The following RAB20 variants were observed in gnomAD, a reference collection of about 807,000 sequenced individuals.
RAB20 encodes RAB20, member RAS oncogene family.
Under a neutral mutation model 3.7 loss-of-function variants are expected in RAB20, and 2 were observed. The observed-to-expected ratio is 0.54, with a 90% CI of 0.22 to 1.69. RAB20 has a LOEUF of 1.69. Ranked by LOEUF, RAB20 falls within the 40% of genes most tolerant of loss-of-function variation. The pLI is 0.19. For synonymous variants in RAB20, 126 were observed against 130.8 expected (o/e 0.96, Z 0.25); for missense variants, 276 against 311.9 (o/e 0.88, Z 0.87).
chr13:110,561,407 C>G lies in RAB20; in HGVS notation c.113G>C (p.Gly38Ala). Reference sequence around the variant, plus strand: ...CCACTGCTTCAGGTAGAAGGCGCCGCCCACCGTGCTGACCGTGTCCGGGAA... The same window carrying G: ...CCACTGCTTCAGGTAGAAGGCGCCGGCCACCGTGCTGACCGTGTCCGGGAA... The part of the protein sequence containing the change: ...RRFPDTVSTV[G>A]GAFYLKQWRS... Residue 38 changes from glycine to alanine, a missense_variant, in exon 1 of 2, where the codon GGC becomes GCC. Coordinates refer to ENST00000267328, the MANE Select transcript of RAB20 (RefSeq NM_017817.3). The G allele has an allele frequency of 6.2e-7, 1 of 1,610,058 alleles. No homozygotes were observed. The highest frequency in any genetic ancestry group is 1.1e-5 in the South Asian group (1 of 91,008).
chr13:110,560,862 C>A (rs378859), intron 1 of RAB20, among the ~76,000 whole-genome samples: 20,853 of 151,770 alleles, frequency 0.14, 4,548 homozygotes, highest in African/African-American at 0.46. Flanking sequence ...GGTCCGGAGG[C>A]TCCAGTTTTA....
chr13:110,533,208 T>C (rs1269360096), intron 1 of RAB20, among the ~76,000 whole-genome samples: 31 of 152,352 alleles, frequency 2.0e-4, no homozygotes, highest in Non-Finnish European at 1.2e-4. Context: ...CACCACGACA[T>C]GCTTTCTCCA....
chr13:110,530,531 A>G (rs533729229), intron 1 of RAB20, among the ~76,000 whole-genome samples: 1 of 3,844 alleles, frequency 2.6e-4, no homozygotes, highest in Admixed American at 3.0e-3. Flanking sequence ...CAGACACAGG[A>G]CCCTGGGGAA....
chr13:110,557,134 G>C (rs1187933231), intron 1 of RAB20, among the ~76,000 whole-genome samples: 1 of 152,198 alleles, frequency 6.6e-6, no homozygotes, highest in African/African-American at 2.4e-5. Context: ...CCAATTACAG[G>C]TGGAAGCCTG....
chr13:110,548,492 A>T, intron 1 of RAB20, among the ~76,000 whole-genome samples: 1 of 108,342 alleles, frequency 9.2e-6, no homozygotes, highest in Non-Finnish European at 2.2e-5. Flanking sequence ...AAAAACAAAA[A>T]TAAAAACAAA....
intron 1 of RAB20, among the ~76,000 whole-genome samples, chr13:110,527,330 A>G (rs1234492876): frequency 6.6e-6 from 1 of 151,434 alleles, no homozygotes. Context: ...CTGTCTACTG[A>G]CCACTGTGGT....
intron 1 of RAB20, among the ~76,000 whole-genome samples, chr13:110,549,866 G>A (rs1401902839): frequency 2.6e-5 from 4 of 152,176 alleles, no homozygotes; most frequent in Non-Finnish European, 5.9e-5. Flanking sequence ...TGGGACTACA[G>A]GCACGCGCCA....
chr13:110,548,818 C>T (rs531398748), intron 1 of RAB20, among the ~76,000 whole-genome samples: 2 of 152,194 alleles, frequency 1.3e-5, no homozygotes, highest in South Asian at 2.1e-4. Context: ...TCATCTGCAC[C>T]GAGAGGTGAG....
chr13:110,523,096 A>G lies in RAB20; in HGVS notation c.*569T>C. 5.1e-6 allele frequency: 2 copies of G among 389,588 alleles called. No individual in the cohort carries two copies. Among genetic ancestry groups the G allele is most frequent in the Non-Finnish European group, 9.0e-6 (2 of 221,082 alleles). 24.1% of individuals were successfully genotyped at this position (389,588 alleles called of 1,614,324 possible). ...TGTTCCAAAAATCCTCTTTAATAAT[A>G]CATGTAGCCAACATTGCTGCAATCA... On this transcript the variant is annotated 3_prime_UTR_variant, in exon 2 of 2. Coordinates refer to ENST00000267328, the MANE Select transcript of RAB20 (RefSeq NM_017817.3).
chr13:110,553,776 C>T (rs331597), intron 1 of RAB20, among the ~76,000 whole-genome samples: 126,731 of 152,132 alleles, frequency 0.83, 53,456 homozygotes, highest in Non-Finnish European at 0.9. Flanking sequence ...AAGCCTCTCC[C>T]GACTGAGGCT....
chr13:110,529,977 C>A (rs903111331), intron 1 of RAB20, among the ~76,000 whole-genome samples: 1 of 152,224 alleles, frequency 6.6e-6, no homozygotes, highest in Admixed American at 6.5e-5. Flanking sequence ...TCTGTAAGAA[C>A]GCCTCCAATG....
At chr13:110,557,738 G>A (rs1025867229) in intron 1 of RAB20, among the ~76,000 whole-genome samples, 1 of 152,266 alleles carries the variant, frequency 6.6e-6, no homozygotes. Context: ...CGCCTTCCAA[G>A]CTGGCTCTTC....
chr13:110,532,727 G>A (rs763243880), intron 1 of RAB20, among the ~76,000 whole-genome samples: 9 of 152,122 alleles, frequency 5.9e-5, no homozygotes, highest in Non-Finnish European at 1.3e-4. Context: ...CACCCAGGCT[G>A]AAGTGCAGTG....
At chr13:110,554,342 A>T (rs918130759) in intron 1 of RAB20, among the ~76,000 whole-genome samples, 5 of 152,132 alleles carry the variant, frequency 3.3e-5, no homozygotes, top group African/African-American at 4.8e-5. Context: ...GCAGCAACAC[A>T]TATGACACAG....
chr13:110,540,923 C>T (rs1321959621), intron 1 of RAB20, among the ~76,000 whole-genome samples: 1 of 152,194 alleles, frequency 6.6e-6, no homozygotes, highest in African/African-American at 2.4e-5. Context: ...CTGGTCTCTG[C>T]TGGGCTGCAG....
intron 1 of RAB20, among the ~76,000 whole-genome samples, chr13:110,549,720 A>T (rs9588190): frequency 6.1e-5 from 9 of 146,840 alleles, no homozygotes; most frequent in East Asian, 6.1e-4. Flanking sequence ...ACTTTTTTAA[A>T]TTTTTTTTTT....
At chr13:110,556,800 G>A (rs1885046044) in intron 1 of RAB20, among the ~76,000 whole-genome samples, 1 of 152,172 alleles carries the variant, frequency 6.6e-6, no homozygotes, top group South Asian at 2.1e-4. Context: ...CTAAAATGCT[G>A]GGATTACAGG....
chr13:110,528,035 C>T (rs1401568671), intron 1 of RAB20, among the ~76,000 whole-genome samples: 10 of 151,370 alleles, frequency 6.6e-5, no homozygotes, highest in Middle Eastern at 3.4e-3. Context: ...CCAAGGAGTT[C>T]GAGGCTGCAA....
intron 1 of RAB20, among the ~76,000 whole-genome samples, chr13:110,527,842 T>G (rs1222492522): frequency 6.6e-6 from 1 of 151,618 alleles, no homozygotes; most frequent in Non-Finnish European, 1.5e-5. Flanking sequence ...GAGGATTGCT[T>G]GAGGCCAGGA....
Sources: allele counts gnomAD v4.1 joint callset (sites outside exome capture counted in the v4.1 genomes callset), GRCh38; gene constraint gnomAD v4.1.1; transcripts MANE v1.5; gene names NCBI Gene and HGNC (gene_info 2026-07-23, HGNC 2026-07-21).